MACROD2: variants seen among roughly 807,000 people sequenced by gnomAD.
MACROD2 encodes mono-ADP ribosylhydrolase 2, also known as ADP-ribose glycohydrolase MACROD2.
Under a neutral mutation model 70.4 loss-of-function variants are expected in MACROD2, and 36 were observed. The observed-to-expected ratio is 0.51, with a 90% CI of 0.39 to 0.68. The LOEUF is 0.68. Ranked by LOEUF, MACROD2 falls within the 30% of genes least tolerant of loss-of-function variation. MACROD2 has a pLI of 0.00. For synonymous variants in MACROD2, 172 were observed against 178.8 expected (o/e 0.96, Z 0.30); for missense variants, 496 against 538.4 (o/e 0.92, Z 0.78).
chr20:15,169,280 T>A (rs1354626837), intron 5 of MACROD2, among the ~76,000 whole-genome samples: 1 of 152,194 alleles, frequency 6.6e-6, no homozygotes, highest in East Asian at 1.9e-4. Context: ...TTTTTAAGAA[T>A]AAAGTTCTTC....
chr20:16,043,445 G>T (rs534253363), intron 16 of MACROD2, among the ~76,000 whole-genome samples: 36 of 152,120 alleles, frequency 2.4e-4, no homozygotes, highest in African/African-American at 8.4e-4. Context: ...TTGTCTATTT[G>T]TATACTGATT....
intron 5 of MACROD2, among the ~76,000 whole-genome samples, chr20:15,076,183 C>T (rs1338719666): frequency 6.6e-6 from 1 of 152,018 alleles, no homozygotes; most frequent in Non-Finnish European, 1.5e-5. Flanking sequence ...CATTATATCA[C>T]CAATATTTTT....
intron 5 of MACROD2, among the ~76,000 whole-genome samples, chr20:14,911,196 C>T (rs1272786168): frequency 6.6e-6 from 1 of 152,086 alleles, no homozygotes; most frequent in African/African-American, 2.4e-5. Flanking sequence ...AATGAGAGTC[C>T]GTATTGGCAA....
intron 6 of MACROD2, among the ~76,000 whole-genome samples, chr20:15,382,123 C>T (rs745333500): frequency 6.6e-6 from 1 of 152,040 alleles, no homozygotes; most frequent in African/African-American, 2.4e-5. Context: ...TCCATTTCCT[C>T]GTGTCTGTTA....
intron 9 of MACROD2, among the ~76,000 whole-genome samples, chr20:15,863,675 T>C (rs1206463513): frequency 1.3e-5 from 2 of 152,202 alleles, no homozygotes; most frequent in Non-Finnish European, 2.9e-5. Context: ...AAGTAGTTTG[T>C]CATATCACAG....
At chr20:15,989,202 A>C (rs1472336947) in intron 15 of MACROD2, among the ~76,000 whole-genome samples, 1 of 152,190 alleles carries the variant, frequency 6.6e-6, no homozygotes, top group African/African-American at 2.4e-5. Flanking sequence ...GAAAATCCAC[A>C]TGTGATTTCC....
At chr20:14,397,038 A>C (rs1363191504) in intron 3 of MACROD2, among the ~76,000 whole-genome samples, 1 of 121,454 alleles carries the variant, frequency 8.2e-6, no homozygotes, top group Admixed American at 1.0e-4. Flanking sequence ...TCTGTCGCCC[A>C]GGTTGGAGTG....
chr20:15,451,627 C>G (rs185511549), intron 7 of MACROD2, among the ~76,000 whole-genome samples: 7 of 152,112 alleles, frequency 4.6e-5, no homozygotes, highest in African/African-American at 1.7e-4. Context: ...GTACAGCCAT[C>G]CCTGACAAAT....
chr20:15,448,407 A>G (rs1252045474), intron 7 of MACROD2, among the ~76,000 whole-genome samples: 1 of 152,160 alleles, frequency 6.6e-6, no homozygotes, highest in African/African-American at 2.4e-5. Flanking sequence ...CCTCCTTATT[A>G]CCAGCTCTCA....
intron 7 of MACROD2, among the ~76,000 whole-genome samples, chr20:15,456,762 A>G (rs2046732323): frequency 1.3e-5 from 2 of 152,022 alleles, no homozygotes; most frequent in Non-Finnish European, 1.5e-5. Flanking sequence ...CCTGGGTCTT[A>G]CCCCTCAAAA....
intron 3 of MACROD2, among the ~76,000 whole-genome samples, chr20:14,209,950 T>C (rs1207360818): frequency 1.3e-5 from 2 of 152,176 alleles, no homozygotes; most frequent in African/African-American, 4.8e-5. Flanking sequence ...TTTCCAGAAA[T>C]TCTGATAAAT....
At chr20:15,924,234 C>G (rs551079970) in intron 10 of MACROD2, among the ~76,000 whole-genome samples, 2 of 152,156 alleles carry the variant, frequency 1.3e-5, no homozygotes, top group African/African-American at 2.4e-5. Flanking sequence ...TTTTTGCTTC[C>G]CATGATAATA....
chr20:15,860,273 C>T (rs745850663), intron 8 of MACROD2, among the ~76,000 whole-genome samples: 2 of 152,124 alleles, frequency 1.3e-5, no homozygotes, highest in Admixed American at 6.5e-5. Context: ...TGTTAAATTT[C>T]ATAATTTATA....
At chr20:15,350,983 T>C (rs2078220997) in intron 6 of MACROD2, among the ~76,000 whole-genome samples, 1 of 152,164 alleles carries the variant, frequency 6.6e-6, no homozygotes, top group Admixed American at 6.6e-5. Flanking sequence ...GAGTACCATC[T>C]AGAATAATGA....
chr20:14,706,064 C>T (rs952574011), intron 5 of MACROD2, among the ~76,000 whole-genome samples: 4 of 151,840 alleles, frequency 2.6e-5, no homozygotes, highest in Non-Finnish European at 5.9e-5. Flanking sequence ...GCCTGTAATC[C>T]CAGCGCTTTG....
At chr20:14,660,215 T>G (rs1246590205) in intron 4 of MACROD2, among the ~76,000 whole-genome samples, 1 of 152,226 alleles carries the variant, frequency 6.6e-6, no homozygotes, top group Admixed American at 6.5e-5. Flanking sequence ...ATGAGATCCT[T>G]GCTAGATAGT....
chr20:15,188,029 C>T (rs764450898), intron 5 of MACROD2, among the ~76,000 whole-genome samples: 7 of 152,098 alleles, frequency 4.6e-5, no homozygotes, highest in South Asian at 4.1e-4. Context: ...GAAACACAAT[C>T]GTAGGATTTT....
At chr20:14,684,439 C>T (rs1049999753) in intron 4 of MACROD2, among the ~76,000 whole-genome samples, 11 of 152,152 alleles carry the variant, frequency 7.2e-5, no homozygotes, top group South Asian at 2.1e-4. Context: ...TGTACCAGCT[C>T]GGGAAAGAGA....
chr20:15,755,629 A>G (rs1205075112), intron 8 of MACROD2, among the ~76,000 whole-genome samples: 1 of 152,208 alleles, frequency 6.6e-6, no homozygotes, highest in Non-Finnish European at 1.5e-5. Context: ...ACAATATTGT[A>G]CAATGACTTT....
Sources: gnomAD v4.1 joint callset for allele counts (sites outside exome capture counted in the v4.1 genomes callset) on GRCh38, gnomAD v4.1.1 for gene constraint, MANE v1.5 for transcripts, NCBI Gene and HGNC (gene_info 2026-07-23, HGNC 2026-07-21) for gene names.